Variants in ACSL4 observed in about 807,000 individuals in gnomAD.
The protein encoded by ACSL4 is long-chain-fatty-acid--CoA ligase 4.
In ACSL4, 9 loss-of-function variants were observed where a neutral mutation model predicts 49.1. The ratio of observed to expected loss-of-function variants is 0.18; its 90% CI spans 0.11 to 0.32. The LOEUF (loss-of-function observed/expected upper bound fraction) is 0.32, where lower values mean the gene tolerates loss of function less well. Among genes scored for constraint, ACSL4 ranks in the 10% least tolerant of loss-of-function variants. ACSL4 has a pLI of 1.00. For missense variants in ACSL4, 333 were observed against 493.7 expected (o/e 0.67, Z 3.08); for synonymous variants, 191 against 170.3 (o/e 1.12, Z -0.95).
At position 109,668,279 on chromosome X, in the gene ACSL4, T is replaced by A; in HGVS notation, c.1143-6A>T. ...TGACCTTTTTAAACAGTAACCTTAA[T>A]AAAGGGAGGATAAATGATTTTAATG... On this transcript the variant is annotated splice_polypyrimidine_tract_variant and splice_region_variant and intron_variant, in intron 10 of 15. Transcript: ENST00000672401. 8.4e-7 allele frequency: 1 copy of A among 1,187,981 alleles called. No individual in the cohort carries two copies. The highest frequency in any genetic ancestry group is 1.7e-5 in the African/African-American group (1 of 57,254).
chrX:109,687,663 C>T (rs959680298), intron 2 of ACSL4, among the ~76,000 whole-genome samples: 8 of 111,574 alleles, frequency 7.2e-5, no homozygotes, highest in African/African-American at 2.0e-4. Flanking sequence ...CACCATGGCA[C>T]GTGTATACCT....
intron 1 of ACSL4, among the ~76,000 whole-genome samples, chrX:109,723,758 G>A (rs1232234756): frequency 2.7e-5 from 3 of 111,827 alleles, no homozygotes; most frequent in African/African-American, 9.7e-5. Flanking sequence ...AAAACTATTG[G>A]GTCAAAATGT....
At chrX:109,695,322 G>A (rs1395668613) in intron 2 of ACSL4, among the ~76,000 whole-genome samples, 6 of 105,603 alleles carry the variant, frequency 5.7e-5, no homozygotes, top group Non-Finnish European at 1.2e-4. Context: ...TCCAGTCTGG[G>A]TGACAGAGCA....
intron 6 of ACSL4, 62 bp downstream of exon 6, chrX:109,680,936 T>A: frequency 8.7e-7 from 1 of 1,144,488 alleles, no homozygotes; most frequent in Middle Eastern, 2.9e-4. Context: ...TTTGTTTCCC[T>A]AACCTACCAA....
chrX:109,681,989 G>A, intron 4 of ACSL4, among the ~76,000 whole-genome samples: 1 of 111,982 alleles, frequency 8.9e-6, no homozygotes, highest in Non-Finnish European at 1.9e-5. Context: ...AGAAAGAACT[G>A]AAAATTCAGC....
In ACSL4 at chrX:109,688,052, A is replaced by G. The variant is rs1480678072; in HGVS notation, c.-12-4677T>C. On this transcript the variant is annotated intron_variant, in intron 2 of 15. Coordinates refer to ENST00000672401, the MANE Select transcript of ACSL4 (RefSeq NM_001318510.2). ...AATGGACTCTCCCTGATGCAGAGAG[A>G]CCACACCGCACTAGTCCACTCACTG... 3.6e-5 allele frequency among the ~76,000 whole-genome samples: 4 copies of G among 111,847 alleles called. No homozygotes were observed. The East Asian group carries it at 1.1e-3, about 31-fold the overall frequency.
chrX:109,714,329 G>A (rs1460604443), intron 1 of ACSL4, among the ~76,000 whole-genome samples: 3 of 112,129 alleles, frequency 2.7e-5, no homozygotes, highest in African/African-American at 9.7e-5. Flanking sequence ...TAAGCTAAAT[G>A]TTATAAAAGA....
chrX:109,725,521 G>A (rs950413300), intron 1 of ACSL4, among the ~76,000 whole-genome samples: 8 of 111,213 alleles, frequency 7.2e-5, no homozygotes, highest in Non-Finnish European at 1.3e-4. Context: ...CCAGCACTCT[G>A]GGAGGCCAAG....
At chrX:109,684,714 A>G (rs1298662922) in intron 2 of ACSL4, among the ~76,000 whole-genome samples, 4 of 112,102 alleles carry the variant, frequency 3.6e-5, no homozygotes, top group Non-Finnish European at 7.5e-5. Flanking sequence ...GGCCAAGAGT[A>G]ACTAGGAGAG....
chrX:109,654,428 G>A lies in ACSL4; in HGVS notation c.1855+4926C>T, dbSNP rs1921454802. Among the ~76,000 whole-genome samples the A allele has an allele frequency of 2.7e-5, 3 of 111,342 alleles. No individual in the cohort carries two copies. In the Admixed American group the frequency reaches 2.9e-4, roughly 11 times the overall value. ...ACAATGGGTTGAAATTAGGTTAACA[G>A]CTTCCAACAAAACACGAAGAGTATA... On this transcript the variant is annotated intron_variant, in intron 15 of 15. Coordinates refer to ENST00000672401, the MANE Select transcript of ACSL4 (RefSeq NM_001318510.2).
At chrX:109,731,933 GTCTT>G (rs1259560490) in intron 1 of ACSL4, among the ~76,000 whole-genome samples, 1 of 112,460 alleles carries the variant, frequency 8.9e-6, no homozygotes, top group Non-Finnish European at 1.9e-5. Context: ...ACATTTAAAA[GTCTT>G]TCTTGTTAGA....
intron 1 of ACSL4, among the ~76,000 whole-genome samples, chrX:109,718,750 A>G (rs1927316487): frequency 1.9e-5 from 2 of 107,065 alleles, no homozygotes; most frequent in South Asian, 8.1e-4. Context: ...CCCTGTCTCA[A>G]GAAAAAAAAA....
At chrX:109,697,572 C>T (rs944469924) in intron 1 of ACSL4, among the ~76,000 whole-genome samples, 1 of 110,378 alleles carries the variant, frequency 9.1e-6, no homozygotes, top group African/African-American at 3.3e-5. Context: ...TATCCACAAT[C>T]TACTTTTGTT....
intron 1 of ACSL4, among the ~76,000 whole-genome samples, chrX:109,725,681 A>G (rs906372223): frequency 9.0e-6 from 1 of 110,797 alleles, no homozygotes; most frequent in African/African-American, 3.3e-5. Context: ...TGGAGCTTAC[A>G]GTGAGCCGAG....
intron 2 of ACSL4, among the ~76,000 whole-genome samples, chrX:109,686,100 C>G (rs995291214): frequency 1.8e-5 from 2 of 111,668 alleles, no homozygotes; most frequent in African/African-American, 6.5e-5. Flanking sequence ...AATGTAAGAT[C>G]CCCTCTAACA....
At chrX:109,671,166 G>C (rs1184877838) in intron 9 of ACSL4, among the ~76,000 whole-genome samples, 2 of 107,125 alleles carry the variant, frequency 1.9e-5, no homozygotes, top group Non-Finnish European at 3.9e-5. Flanking sequence ...CCGTCATCCT[G>C]TCTAGGAAGT....
At chrX:109,719,526 T>C (rs1321278283) in intron 1 of ACSL4, among the ~76,000 whole-genome samples, 1 of 112,393 alleles carries the variant, frequency 8.9e-6, no homozygotes, top group Non-Finnish European at 1.9e-5. Flanking sequence ...ATGGCTGAGC[T>C]GTAATGGTGA....
chrX:109,708,449 G>T (rs1358889369), intron 1 of ACSL4, among the ~76,000 whole-genome samples: 1 of 112,241 alleles, frequency 8.9e-6, no homozygotes, highest in Non-Finnish European at 1.9e-5. Context: ...AAGTAATACT[G>T]TAAAAGGAGC....
At chrX:109,671,339 C>T (rs954787194) in intron 9 of ACSL4, among the ~76,000 whole-genome samples, 1 of 111,228 alleles carries the variant, frequency 9.0e-6, no homozygotes, top group Non-Finnish European at 1.9e-5. Context: ...AGATGAGGAG[C>T]GTCTCTGACC....
Sources: allele counts gnomAD v4.1 joint callset (sites outside exome capture counted in the v4.1 genomes callset), GRCh38; gene constraint gnomAD v4.1.1; transcripts MANE v1.5; gene names NCBI Gene and HGNC (gene_info 2026-07-23, HGNC 2026-07-21).